The following FARS2 variants were observed in gnomAD, a reference collection of about 807,000 sequenced individuals.
FARS2 encodes phenylalanine--tRNA ligase, mitochondrial.
A neutral mutation model predicts 46.4 loss-of-function variants in FARS2; 40 were observed. The observed-to-expected ratio is 0.86, with a 90% CI of 0.67 to 1.12. The LOEUF (loss-of-function observed/expected upper bound fraction) is 1.12. FARS2 is among the 50% of genes most tolerant of loss of function. The pLI is 0.00. For missense variants in FARS2, 513 were observed against 567.9 expected (o/e 0.90, Z 0.98); for synonymous variants, 234 against 214.9 (o/e 1.09, Z -0.78).
intron 6 of FARS2, among the ~76,000 whole-genome samples, chr6:5,694,044 C>T (rs75068717): frequency 0.012 from 1,903 of 152,286 alleles, 28 homozygotes; most frequent in African/African-American, 0.04. Context: ...TTGTCAAAGC[C>T]GCACTGGAAG....
At chr6:5,524,672 T>C (rs1769352576) in intron 4 of FARS2, among the ~76,000 whole-genome samples, 2 of 152,144 alleles carry the variant, frequency 1.3e-5, no homozygotes, top group African/African-American at 4.8e-5. Flanking sequence ...CTCTAGGAGG[T>C]AAGTACTGCC....
At chr6:5,705,890 C>G (rs975795366) in intron 6 of FARS2, among the ~76,000 whole-genome samples, 1 of 152,176 alleles carries the variant, frequency 6.6e-6, no homozygotes, top group African/African-American at 2.4e-5. Flanking sequence ...CTCGCTGCCT[C>G]CTCTGAACCT....
intron 5 of FARS2, among the ~76,000 whole-genome samples, chr6:5,560,677 G>A (rs1771933263): frequency 6.6e-6 from 1 of 152,124 alleles, no homozygotes; most frequent in South Asian, 2.1e-4. Context: ...ATTTACTAGT[G>A]AAGTCACTTG....
intron 4 of FARS2, among the ~76,000 whole-genome samples, chr6:5,478,056 C>G (rs1766227454): frequency 7.0e-6 from 1 of 142,494 alleles, no homozygotes; most frequent in African/African-American, 2.7e-5. Context: ...AAACCAGTAA[C>G]AATGACCCGC....
In FARS2 at chr6:5,295,605, G is replaced by C. The variant is rs181826367; in HGVS notation, c.-22+33945G>C. On this transcript the variant is annotated intron_variant, in intron 1 of 6. Coordinates refer to ENST00000274680, the MANE Select transcript of FARS2 (RefSeq NM_006567.5). ...GGGGACTTTCTTCTCTCTTCTGTCA[G>C]ATTTATAGGATAACCATAGTCTTTG... Among the ~76,000 whole-genome samples, 179 of 152,284 alleles carry C rather than the reference G, an allele frequency of 1.2e-3. 2 individuals carry two copies. Among genetic ancestry groups the C allele is most frequent in the African/African-American group, 2.8e-3 (118 of 41,552 alleles).
intron 5 of FARS2, among the ~76,000 whole-genome samples, chr6:5,603,840 T>C (rs538990242): frequency 6.6e-6 from 1 of 152,346 alleles, no homozygotes; most frequent in Non-Finnish European, 1.5e-5. Context: ...CACATTATCT[T>C]TTTTTGGGAG....
At chr6:5,271,262 CAA>C in intron 1 of FARS2, among the ~76,000 whole-genome samples, 1 of 152,258 alleles carries the variant, frequency 6.6e-6, no homozygotes, top group South Asian at 2.1e-4. Flanking sequence ...CGCTTGTTTC[CAA>C]AACCTTAGAG....
intron 5 of FARS2, among the ~76,000 whole-genome samples, chr6:5,602,482 A>G (rs987124943): frequency 1.3e-5 from 2 of 151,924 alleles, no homozygotes; most frequent in East Asian, 1.9e-4. Context: ...CCCCATCTCT[A>G]CTAAAAATAG....
chr6:5,376,044 G>C (rs749303492), intron 2 of FARS2, among the ~76,000 whole-genome samples: 2 of 152,086 alleles, frequency 1.3e-5, no homozygotes, highest in Non-Finnish European at 2.9e-5. Flanking sequence ...TACGTGCTGG[G>C]TGGAGATATT....
chr6:5,678,232 C>T (rs1778862513), intron 6 of FARS2, among the ~76,000 whole-genome samples: 1 of 152,330 alleles, frequency 6.6e-6, no homozygotes, highest in African/African-American at 2.4e-5. Context: ...CTTACCACAC[C>T]TCACCCAAGT....
chr6:5,336,989 T>A (rs1303354149), intron 1 of FARS2, among the ~76,000 whole-genome samples: 2 of 152,042 alleles, frequency 1.3e-5, no homozygotes, highest in African/African-American at 4.8e-5. Context: ...CAGTATTTTT[T>A]ATTTGTTTTT....
intron 6 of FARS2, among the ~76,000 whole-genome samples, chr6:5,686,150 A>G (rs1757180470): frequency 6.6e-6 from 1 of 152,172 alleles, no homozygotes; most frequent in African/African-American, 2.4e-5. Context: ...TGTCTGCAGA[A>G]GTCATGCAGG....
At chr6:5,769,146 T>TTG (rs150603204) in intron 6 of FARS2, among the ~76,000 whole-genome samples, 2 of 152,228 alleles carry the variant, frequency 1.3e-5, no homozygotes, top group South Asian at 2.1e-4. Flanking sequence ...TTGAGTTAGT[T>TTG]TGTGTGTGTG....
intron 4 of FARS2, among the ~76,000 whole-genome samples, chr6:5,442,970 GT>G (rs1763926328): frequency 6.6e-6 from 1 of 152,160 alleles, no homozygotes; most frequent in Non-Finnish European, 1.5e-5. Flanking sequence ...TGTGTTAGGT[GT>G]TGTGTACTGT....
intron 4 of FARS2, among the ~76,000 whole-genome samples, chr6:5,521,866 T>C (rs1426663966): frequency 6.6e-6 from 1 of 152,184 alleles, no homozygotes; most frequent in Non-Finnish European, 1.5e-5. Context: ...TTATAAGTGG[T>C]CGAGTCTCTG....
Position 5,630,652 on chromosome 6 carries a change from T to A in FARS2, c.1217+17332T>A, listed in dbSNP as rs568323809. 6.6e-6 allele frequency among the ~76,000 whole-genome samples: 1 copy of A among 152,316 alleles called. No homozygotes were observed. Among genetic ancestry groups the A allele is most frequent in the African/African-American group, 2.4e-5 (1 of 41,568 alleles). On this transcript the variant is annotated intron_variant, in intron 6 of 6. Coordinates refer to ENST00000274680, the MANE Select transcript of FARS2 (RefSeq NM_006567.5). The surrounding 1 kb of genome is among the most constrained non-coding windows in gnomAD (Gnocchi z 4.2). ...CCCGTTCTGATTTTCCTTCCTCGTA[T>A]AGCTCACTTGAAGGGTGGGATAAGA...
chr6:5,380,206 G>C (rs1759665037), intron 2 of FARS2, among the ~76,000 whole-genome samples: 1 of 152,126 alleles, frequency 6.6e-6, no homozygotes, highest in Non-Finnish European at 1.5e-5. Flanking sequence ...TTGTGCTCCT[G>C]AACCAATAAT....
chr6:5,468,364 A>AAAAGAAAG, intron 4 of FARS2, among the ~76,000 whole-genome samples: 1 of 152,018 alleles, frequency 6.6e-6, no homozygotes, highest in East Asian at 1.9e-4. Context: ...AAAAAAAAAA[A>AAAAGAAAG]AAAGAAAGAA....
At position 5,753,737 on chromosome 6, in the gene FARS2, C is replaced by G. The variant is rs368936979; in HGVS notation, c.1218-17554C>G. On this transcript the variant is annotated intron_variant, in intron 6 of 6. Coordinates refer to ENST00000274680, the MANE Select transcript of FARS2 (RefSeq NM_006567.5). Reference sequence around the variant, plus strand: ...TTTAAAAGACAAAACCAAACAGGATCATTCTTCTTCCAAATCAAATATGGT... The same window carrying G: ...TTTAAAAGACAAAACCAAACAGGATGATTCTTCTTCCAAATCAAATATGGT... Among the ~76,000 whole-genome samples the G allele has an allele frequency of 2.5e-4, 38 of 152,284 alleles. No individual in the cohort carries two copies. The East Asian group carries it at 5.0e-3, about 20-fold the overall frequency.
Sources: allele counts gnomAD v4.1 joint callset (sites outside exome capture counted in the v4.1 genomes callset), GRCh38; gene constraint gnomAD v4.1.1; non-coding constraint Gnocchi (gnomAD v3.1); transcripts MANE v1.5; gene names NCBI Gene and HGNC (gene_info 2026-07-23, HGNC 2026-07-21).